PRKAR1B: variants seen among roughly 807,000 people sequenced by gnomAD.
PRKAR1B encodes the protein protein kinase cAMP-dependent type I regulatory subunit beta.
A neutral mutation model predicts 46.5 loss-of-function variants in PRKAR1B; 22 were observed. That is an observed-to-expected ratio of 0.47 (90% CI 0.34 to 0.68). The LOEUF (loss-of-function observed/expected upper bound fraction) is 0.68. Among genes scored for constraint, PRKAR1B ranks in the 30% least tolerant of loss-of-function variants. The pLI is 0.01. For synonymous variants in PRKAR1B, 259 were observed against 217.7 expected (o/e 1.19, Z -1.67); for missense variants, 445 against 535.6 (o/e 0.83, Z 1.67).
At chr7:628,649 C>T (rs976977932) in intron 4 of PRKAR1B, among the ~76,000 whole-genome samples, 1 of 152,318 alleles carries the variant, frequency 6.6e-6, no homozygotes, top group South Asian at 2.1e-4. Flanking sequence ...GCCGGCCAGG[C>T]GATGGCGGGA....
intron 4 of PRKAR1B, among the ~76,000 whole-genome samples, chr7:613,767 T>C (rs1782653708): frequency 6.6e-6 from 1 of 152,226 alleles, no homozygotes; most frequent in Non-Finnish European, 1.5e-5. Flanking sequence ...TGCCACTTCC[T>C]TCCTCCTCCC....
intron 9 of PRKAR1B, among the ~76,000 whole-genome samples, chr7:559,079 G>A (rs926758839): frequency 2.0e-5 from 3 of 152,204 alleles, no homozygotes; most frequent in East Asian, 1.9e-4. Flanking sequence ...TTCCAGGCTC[G>A]CCTTCAGTCA....
In PRKAR1B at chr7:685,308, G is replaced by GTATA. The variant is rs373416786; in HGVS notation, c.178-4586_178-4583dup. Among the ~76,000 whole-genome samples the GTATA allele has an allele frequency of 8.2e-3, 93 of 11,314 alleles. 11 individuals carry two copies. The highest frequency in any genetic ancestry group is 0.057 in the Admixed American group (60 of 1,060). The allele number at this position is 11,314 out of a possible 152,430, so 7.4% of individuals were successfully genotyped here. A position where few individuals can be genotyped will look rare whatever the true frequency, so the allele number is the denominator to read the frequency against. On this transcript the variant is annotated intron_variant, in intron 2 of 10. Transcript: ENST00000537384. ...TATATATGTATACATATATATATACGTATATATACGTATATATACGTATAT... is the reference window on the plus strand; with the variant it reads ...TATATATGTATACATATATATATACGTATATATATATACGTATATATACGTATAT...
At chr7:598,489 A>C (rs12720014) in intron 6 of PRKAR1B, among the ~76,000 whole-genome samples, 3 of 45,804 alleles carry the variant, frequency 6.5e-5, no homozygotes, top group Admixed American at 3.2e-4. Flanking sequence ...CTCCACACTA[A>C]ACACCATCAC....
rs577947582 is a variant in PRKAR1B at position 602,564 on chromosome 7, A to C, written c.549+3629T>G. 5.9e-6 allele frequency: 1 copy of C among 169,622 alleles called. No individual in the cohort carries two copies. Among genetic ancestry groups the C allele is most frequent in the Non-Finnish European group, 1.5e-5 (1 of 68,498 alleles). 10.5% of individuals were successfully genotyped at this position (169,622 alleles called of 1,614,324 possible). A position where few individuals can be genotyped will look rare whatever the true frequency, so the allele number is the denominator to read the frequency against. On this transcript the variant is annotated intron_variant, in intron 6 of 10. Transcript: ENST00000537384. The surrounding 1 kb of genome is among the most constrained non-coding windows in gnomAD (Gnocchi z 6.4). Reference sequence around the variant, plus strand: ...CCTCACACCCTCACCTCTCCCAGGAAGTCCTCAGCATGCTGCCGGCTGGGG... The same window carrying C: ...CCTCACACCCTCACCTCTCCCAGGACGTCCTCAGCATGCTGCCGGCTGGGG...
chr7:712,666 C>G (rs1359987434), intron 1 of PRKAR1B: 1 of 131,102 alleles, frequency 7.6e-6, no homozygotes, highest in Admixed American at 7.4e-5. Flanking sequence ...GCCCCATCCC[C>G]CACCGGCGCA....
chr7:599,313 T>C (rs944749056), intron 6 of PRKAR1B, among the ~76,000 whole-genome samples: 2 of 151,988 alleles, frequency 1.3e-5, no homozygotes, highest in Non-Finnish European at 2.9e-5. Context: ...TTTTTTTTTT[T>C]TGAGATGGAG....
chr7:684,295 G>C (rs1778879929), intron 2 of PRKAR1B, among the ~76,000 whole-genome samples: 1 of 152,234 alleles, frequency 6.6e-6, no homozygotes, highest in South Asian at 2.1e-4. Context: ...CACGGGGATT[G>C]CCGGGTGAAG....
intron 9 of PRKAR1B, chr7:565,258 C>T: frequency 6.6e-6 from 1 of 152,372 alleles, no homozygotes; most frequent in Non-Finnish European, 1.5e-5. Context: ...GCTTGGATGT[C>T]TCCAGCAGAT....
At chr7:727,295 C>A, upstream of PRKAR1B, 12 of 1,301,920 alleles carry the variant, frequency 9.2e-6, no homozygotes, top group Non-Finnish European at 1.2e-5. Context: ...TGCGCCGCCG[C>A]CCTGGCGCAG....
At chr7:687,532 G>C (rs1779157789) in intron 2 of PRKAR1B, among the ~76,000 whole-genome samples, 1 of 152,202 alleles carries the variant, frequency 6.6e-6, no homozygotes, top group African/African-American at 2.4e-5. Context: ...ACAAAGACAG[G>C]AAAGGAAAGC....
chr7:709,234 T>G (rs1780491439), intron 2 of PRKAR1B, among the ~76,000 whole-genome samples: 1 of 150,208 alleles, frequency 6.7e-6, no homozygotes, highest in African/African-American at 2.5e-5. Context: ...AAAGAATATA[T>G]AAAAAATGAA....
chr7:632,629 C>T (rs1269846331), intron 4 of PRKAR1B, among the ~76,000 whole-genome samples: 1 of 152,216 alleles, frequency 6.6e-6, no homozygotes, highest in Non-Finnish European at 1.5e-5. Context: ...CACTGCGGCC[C>T]TCATGATGCT....
chr7:596,909 G>A (rs1329770282), intron 6 of PRKAR1B, among the ~76,000 whole-genome samples: 1 of 152,276 alleles, frequency 6.6e-6, no homozygotes, highest in African/African-American at 2.4e-5. Context: ...CCTCGGGCTG[G>A]AGTCTGAATG....
chr7:581,390 C>T (rs1780178767), intron 8 of PRKAR1B, among the ~76,000 whole-genome samples: 5 of 151,398 alleles, frequency 3.3e-5, no homozygotes, highest in African/African-American at 9.7e-5. Context: ...CAGGCCAACA[C>T]ATCAGTGCAC....
In PRKAR1B at chr7:644,749, G is replaced by A. The variant is rs1473587909; in HGVS notation, c.440+32480C>T. The stretch of plus-strand genomic sequence containing the variant: ...AAACCCCAGCTCTCCCTCCCAGAGG[G>A]CAGGCACCAGGGCCAGACCCTTCCC... On this transcript the variant is annotated intron_variant, in intron 4 of 10. Coordinates refer to ENST00000537384, the MANE Select transcript of PRKAR1B (RefSeq NM_001164760.2). This position sits in a 1 kb window ranked among gnomAD's most constrained non-coding sequence, Gnocchi z 4.9. Among the ~76,000 whole-genome samples, 3 of 152,176 alleles carry A rather than the reference G, an allele frequency of 2.0e-5. No homozygotes were observed. Among genetic ancestry groups the A allele is most frequent in the African/African-American group, 7.2e-5 (3 of 41,456 alleles).
intron 4 of PRKAR1B, among the ~76,000 whole-genome samples, chr7:632,471 C>T (rs571286056): frequency 7.9e-5 from 12 of 152,228 alleles, no homozygotes; most frequent in African/African-American, 1.2e-4. Flanking sequence ...CAGCTCAGGA[C>T]GGCCACTGCG....
chr7:685,348 G>GCATACA (rs1779015350), intron 2 of PRKAR1B, among the ~76,000 whole-genome samples: 1 of 43,652 alleles, frequency 2.3e-5, no homozygotes, highest in Non-Finnish European at 4.4e-5. Flanking sequence ...GTATATATAT[G>GCATACA]TATACATATA....
intron 4 of PRKAR1B, among the ~76,000 whole-genome samples, chr7:672,483 G>T (rs953946992): frequency 6.6e-6 from 1 of 152,100 alleles, no homozygotes; most frequent in Non-Finnish European, 1.5e-5. Context: ...CAGGTGCAAA[G>T]CTGTGCTCCA....
Sources: allele counts gnomAD v4.1 joint callset (sites outside exome capture counted in the v4.1 genomes callset), GRCh38; gene constraint gnomAD v4.1.1; non-coding constraint Gnocchi (gnomAD v3.1); transcripts MANE v1.5; gene names NCBI Gene and HGNC (gene_info 2026-07-23, HGNC 2026-07-21).